The following CERS4 variants were observed in gnomAD, a reference collection of about 807,000 sequenced individuals.
CERS4 encodes LAG1 homolog, ceramide synthase 4.
In CERS4, 65 loss-of-function variants were observed where a neutral mutation model predicts 51.8. The ratio of observed to expected loss-of-function variants is 1.26; its 90% CI spans 1.03 to 1.54. The LOEUF (loss-of-function observed/expected upper bound fraction) is 1.54. CERS4 is among the 40% of genes most tolerant of loss of function. The pLI is 0.00. For missense variants in CERS4, 563 were observed against 500.4 expected (o/e 1.13, Z -1.19); for synonymous variants, 228 against 208.4 (o/e 1.09, Z -0.81).
chr19:8,214,947 G>A (rs542544703), intron 2 of CERS4, among the ~76,000 whole-genome samples: 2 of 148,420 alleles, frequency 1.3e-5, no homozygotes, highest in East Asian at 4.1e-4. Flanking sequence ...ACGAGGGGGA[G>A]GAGAGGGAGG....
chr19:8,256,565 GC>G (rs1337214107), intron 7 of CERS4, 52 bp from the exon 8 acceptor site: 8 of 1,533,202 alleles, frequency 5.2e-6, no homozygotes, highest in Non-Finnish European at 7.1e-6. Flanking sequence ...CCATACCCCT[GC>G]CCGATTGGAG....
chr19:8,250,864 GTGA>G, intron 2 of CERS4: 1 of 1,386,484 alleles, frequency 7.2e-7, no homozygotes, highest in African/African-American at 1.5e-5. Context: ...TGGAGTGGGA[GTGA>G]TGAGAATGAA....
At chr19:8,231,714 A>G (rs1279525422) in intron 2 of CERS4, among the ~76,000 whole-genome samples, 2 of 151,088 alleles carry the variant, frequency 1.3e-5, no homozygotes, top group Non-Finnish European at 2.9e-5. Flanking sequence ...ATGCCCGGCT[A>G]ATTTTCTTTT....
At chr19:8,261,577 G>GAGCC in intron 10 of CERS4, 111 bp from the exon 11 acceptor site, 1 of 1,262,618 alleles carries the variant, frequency 7.9e-7, no homozygotes, top group Non-Finnish European at 1.1e-6. Context: ...GGGCACTAGG[G>GAGCC]AGCCATAGGT....
chr19:8,229,141 A>G (rs1470205853), intron 2 of CERS4, among the ~76,000 whole-genome samples: 1 of 152,140 alleles, frequency 6.6e-6, no homozygotes, highest in Non-Finnish European at 1.5e-5. Context: ...GCCTGGCAAC[A>G]TGGTGAAACC....
intron 3 of CERS4, 148 bp downstream of exon 3, chr19:8,251,397 C>A: frequency 7.4e-7 from 1 of 1,352,320 alleles, no homozygotes; most frequent in Non-Finnish European, 9.6e-7. Flanking sequence ...CTGCCCCCAG[C>A]CGCCACCACC....
At chr19:8,232,445 C>G (rs1268915792) in intron 2 of CERS4, among the ~76,000 whole-genome samples, 1 of 151,994 alleles carries the variant, frequency 6.6e-6, no homozygotes, top group African/African-American at 2.4e-5. Flanking sequence ...CACGTGCCAC[C>G]ACACCCGGCA....
chr19:8,256,956 A>C lies in CERS4; in HGVS notation c.620A>C (p.Lys207Thr), dbSNP rs142583420. The C allele has an allele frequency of 6.4e-5, 104 of 1,614,178 alleles. No individual in the cohort carries two copies. The African/African-American group carries it at 1.3e-3, about 20-fold the overall frequency. The stretch of plus-strand genomic sequence containing the variant: ...ACCCACCGTCTACTGCAGGATTTCA[A>C]GGAGCAGGTGATACACCACTTCGTG... ...LPFDVKRKDF[K>T]EQVIHHFVAV... The change falls in exon 9 of 12, where the codon AAG becomes ACG. Residue 207 changes from lysine (K) to threonine (T), a missense_variant. By Grantham distance (78) the Lys-to-Thr change is moderately conservative (BLOSUM62 -1). Transcript: ENST00000251363.
intron 9 of CERS4, among the ~76,000 whole-genome samples, chr19:8,257,431 T>C (rs1244719340): frequency 8.4e-6 from 1 of 118,906 alleles, no homozygotes; most frequent in Non-Finnish European, 1.7e-5. Flanking sequence ...CACACACGCA[T>C]GTATTCACAT....
rs1171729864 is a variant in CERS4 at position 8,209,372 on chromosome 19, G to A, written c.-281G>A. The A allele has an allele frequency of 6.6e-6, 1 of 151,066 alleles. No individual in the cohort carries two copies. The highest frequency in any genetic ancestry group is 1.9e-4 in the East Asian group (1 of 5,170). 9.4% of individuals were successfully genotyped at this position (151,066 alleles called of 1,614,324 possible). A position where few individuals can be genotyped will look rare whatever the true frequency, so the allele number is the denominator to read the frequency against. ...CTGCTGGGGGCCGAGGCCCGGCCAG[G>A]AGCAGAGTCCGGCTGCCTGGGGCGG... On this transcript the variant is annotated 5_prime_UTR_variant, in exon 1 of 12. Transcript: ENST00000251363.
At position 8,211,802 on chromosome 19, in the gene CERS4, G is replaced by A. The variant is rs144575734; in HGVS notation, c.-2+940G>A. Among the ~76,000 whole-genome samples the A allele has an allele frequency of 3.0e-3, 445 of 147,580 alleles. 1 individual carries two copies. The highest frequency in any genetic ancestry group is 0.01 in the African/African-American group (413 of 40,006). On this transcript the variant is annotated intron_variant, in intron 2 of 11. Coordinates refer to ENST00000251363, the MANE Select transcript of CERS4 (RefSeq NM_024552.3). ...AGCTGCATGGGAGACTGAGGCAGGA[G>A]AATCTCTTGAACCTGGGAGGCAGAA...
chr19:8,220,758 T>C (rs1328749423), intron 2 of CERS4, among the ~76,000 whole-genome samples: 1 of 151,698 alleles, frequency 6.6e-6, no homozygotes. Context: ...CCTCCCGAAA[T>C]CTCTGCCGCC....
At chr19:8,253,666 A>G (rs1969211935) in intron 3 of CERS4, among the ~76,000 whole-genome samples, 1 of 151,796 alleles carries the variant, frequency 6.6e-6, no homozygotes, top group South Asian at 2.1e-4. Context: ...ATCCTGGCTC[A>G]CTGCAACCTC....
Position 8,256,230 on chromosome 19 carries a change from C to T in CERS4, c.469-6C>T. 1 of 1,611,394 alleles carries T rather than the reference C, an allele frequency of 6.2e-7. No homozygotes were observed. Among genetic ancestry groups the T allele is most frequent in the Non-Finnish European group, 8.5e-7 (1 of 1,179,012 alleles). ...TCTGCACAGCCTGACACCCATTTCC[C>T]TGCAGGAGTCATGGCTGTGGGCACC... On this transcript the variant is annotated splice_polypyrimidine_tract_variant and splice_region_variant and intron_variant, in intron 6 of 11. Coordinates refer to ENST00000251363, the MANE Select transcript of CERS4 (RefSeq NM_024552.3).
rs1472491444 is a variant in CERS4 at position 8,245,219 on chromosome 19, TTTTTA to T, written c.-1-5848_-1-5844del. On this transcript the variant is annotated intron_variant, in intron 2 of 11. Transcript: ENST00000251363. ...CATGAGCCACTGCACCTGGGTCTAT[TTTTTA>T]TTTTATTTATATATTTTTATTTTTT... Among the ~76,000 whole-genome samples the T allele has an allele frequency of 1.1e-4, 17 of 151,480 alleles. 1 individual carries two copies. The Middle Eastern group carries it at 0.017, about 152-fold the overall frequency.
intron 2 of CERS4, among the ~76,000 whole-genome samples, chr19:8,228,140 G>A (rs1967862530): frequency 6.6e-6 from 1 of 152,126 alleles, no homozygotes; most frequent in Admixed American, 6.6e-5. Flanking sequence ...GATGACAGGT[G>A]TGAGCTACTG....
intron 2 of CERS4, among the ~76,000 whole-genome samples, chr19:8,212,557 C>G (rs962495980): frequency 1.3e-5 from 2 of 152,048 alleles, no homozygotes; most frequent in Non-Finnish European, 2.9e-5. Context: ...GCCAAGGGAG[C>G]TGGGGCTGTC....
At chr19:8,237,196 C>G (rs1968306089) in intron 2 of CERS4, among the ~76,000 whole-genome samples, 3 of 151,940 alleles carry the variant, frequency 2.0e-5, no homozygotes, top group African/African-American at 7.2e-5. Flanking sequence ...CACTCAGCCT[C>G]CAGCTTTCTG....
chr19:8,253,480 A>G (rs1324342518), intron 3 of CERS4, among the ~76,000 whole-genome samples: 2 of 133,118 alleles, frequency 1.5e-5, no homozygotes, highest in African/African-American at 6.0e-5. Context: ...TTGGGGAGAC[A>G]GAGTCTTGTT....
Sources: gnomAD v4.1 joint callset for allele counts (sites outside exome capture counted in the v4.1 genomes callset) on GRCh38, gnomAD v4.1.1 for gene constraint, MANE v1.5 for transcripts, NCBI Gene and HGNC (gene_info 2026-07-23, HGNC 2026-07-21) for gene names.